CLASP1: variants seen among roughly 807,000 people sequenced by gnomAD.
The protein encoded by CLASP1 is cytoplasmic linker associated protein 1, also known as CLIP-associating protein 1.
In CLASP1, 38 loss-of-function variants were observed where a neutral mutation model predicts 192.3. The ratio of observed to expected loss-of-function variants is 0.20; its 90% CI spans 0.15 to 0.26. The LOEUF is 0.26. Ranked by LOEUF, CLASP1 falls within the 10% of genes least tolerant of loss-of-function variation. CLASP1 has a pLI of 1.00. For missense variants in CLASP1, 1,433 were observed against 1,932.5 expected (o/e 0.74, Z 4.85); for synonymous variants, 691 against 712.8 (o/e 0.97, Z 0.49).
chr2:121,530,904 C>G lies in CLASP1; in HGVS notation c.196-579G>C, dbSNP rs570265345. On this transcript the variant is annotated intron_variant, in intron 2 of 39. Transcript: ENST00000263710. ...TAACCATCCTTTTCTTGGGGTTGCG[C>G]TACTGTCCAATGAGCGCATAGTGAG... 4.4e-5 allele frequency: 31 copies of G among 697,466 alleles called. No homozygotes were observed. The highest frequency in any genetic ancestry group is 6.0e-5 in the Admixed American group (3 of 49,926). 43.2% of individuals were successfully genotyped at this position (697,466 alleles called of 1,614,324 possible).
intron 37 of CLASP1, among the ~76,000 whole-genome samples, chr2:121,355,814 G>C (rs1204345168): frequency 6.6e-6 from 1 of 152,114 alleles, no homozygotes; most frequent in African/African-American, 2.4e-5. Flanking sequence ...AAGGGGTGAG[G>C]GACTATTCAA....
intron 1 of CLASP1, among the ~76,000 whole-genome samples, chr2:121,630,821 T>C (rs1284002834): frequency 1.7e-4 from 25 of 147,226 alleles, no homozygotes; most frequent in Non-Finnish European, 6.0e-5. Flanking sequence ...GATCTAGCCA[T>C]TGCACTCCAG....
chr2:121,340,851 G>A, exon 40 of CLASP1: 2 of 1,606,418 alleles, frequency 1.2e-6, no homozygotes, highest in East Asian at 2.2e-5. Context: ...ACAAGAGACA[G>A]GTACTGCCAT....
At chr2:121,481,774 T>C (rs2092614606) in intron 8 of CLASP1, among the ~76,000 whole-genome samples, 1 of 152,164 alleles carries the variant, frequency 6.6e-6, no homozygotes, top group African/African-American at 2.4e-5. Flanking sequence ...TGAATACCAA[T>C]AGGTGACCAT....
At chr2:121,615,590 C>T (rs111803295) in intron 1 of CLASP1, among the ~76,000 whole-genome samples, 103 of 152,094 alleles carry the variant, frequency 6.8e-4, no homozygotes, top group African/African-American at 2.4e-3. Context: ...TCGAGACCAA[C>T]CTGGCCAACA....
chr2:121,461,649 A>C (rs2087981269), intron 10 of CLASP1, among the ~76,000 whole-genome samples: 1 of 152,316 alleles, frequency 6.6e-6, no homozygotes. Context: ...TGGGAAGGTC[A>C]GGTCAAGTAC....
At chr2:121,421,278 C>G (rs754847067) in intron 22 of CLASP1, among the ~76,000 whole-genome samples, 3 of 152,070 alleles carry the variant, frequency 2.0e-5, no homozygotes, top group African/African-American at 7.2e-5. Context: ...TTTTTTGAGA[C>G]GGAGTCTTGC....
At chr2:121,449,979 C>T (rs17006485) in intron 16 of CLASP1, among the ~76,000 whole-genome samples, 28,795 of 152,024 alleles carry the variant, frequency 0.19, 4,888 homozygotes, top group African/African-American at 0.45. Flanking sequence ...TATCAATGCA[C>T]TGCCCAAGAG....
rs72956532 is a variant in CLASP1, at chr2:121,627,017, A to C, written c.-285-20837T>G. 1.4e-3 allele frequency among the ~76,000 whole-genome samples: 210 copies of C among 145,364 alleles called. 1 individual carries two copies. The highest frequency in any genetic ancestry group is 5.5e-3 in the African/African-American group (197 of 35,910). Reference sequence around the variant, plus strand: ...AAGAACCATCACATGCATTCCCACAAGCAGCCTTAGGAGAGTAATTCAGCA... The same window carrying C: ...AAGAACCATCACATGCATTCCCACACGCAGCCTTAGGAGAGTAATTCAGCA... On this transcript the variant is annotated intron_variant, in intron 1 of 39. Coordinates refer to ENST00000263710, the Ensembl canonical transcript of CLASP1.
At position 121,470,293 on chromosome 2, in the gene CLASP1, C is replaced by CTTTTTTTTT. The variant is rs70954550; in HGVS notation, c.713-342_713-334dup. 5.7e-4 allele frequency: 176 copies of CTTTTTTTTT among 309,056 alleles called. 25 individuals carry two copies. The highest frequency in any genetic ancestry group is 2.6e-3 in the Middle Eastern group (2 of 762). The allele number at this position is 309,056 out of a possible 1,614,324, so 19.1% of individuals were successfully genotyped here. A position where few individuals can be genotyped will look rare whatever the true frequency, so the allele number is the denominator to read the frequency against. ...TCTGCAACATTTCTGACCATCCATGCTTTTTTTTTTTTTTTTTTTTTTTTT... is the reference window on the plus strand; with the variant it reads ...TCTGCAACATTTCTGACCATCCATGCTTTTTTTTTTTTTTTTTTTTTTTTTTTTTTTTTT... On this transcript the variant is annotated intron_variant, in intron 8 of 39. Coordinates refer to ENST00000263710, the Ensembl canonical transcript of CLASP1.
chr2:121,465,156 G>A (rs1335781225), intron 9 of CLASP1, among the ~76,000 whole-genome samples: 4 of 152,174 alleles, frequency 2.6e-5, no homozygotes, highest in Non-Finnish European at 5.9e-5. Context: ...CACAGTGTTA[G>A]AAGTTCTGGC....
intron 1 of CLASP1, among the ~76,000 whole-genome samples, chr2:121,644,611 C>T (rs551556369): frequency 3.3e-5 from 5 of 152,206 alleles, no homozygotes; most frequent in East Asian, 3.9e-4. Flanking sequence ...GCTGACATCA[C>T]GCCACTGCAC....
chr2:121,612,829 GAAC>G (rs2065834626), intron 1 of CLASP1, among the ~76,000 whole-genome samples: 1 of 152,176 alleles, frequency 6.6e-6, no homozygotes, highest in African/African-American at 2.4e-5. Flanking sequence ...GTGAGATTAT[GAAC>G]TACTGTTTAC....
intron 35 of CLASP1, 37 bp from the exon 37 acceptor site, chr2:121,365,321 G>A: frequency 6.4e-7 from 1 of 1,572,430 alleles, no homozygotes; most frequent in Middle Eastern, 2.0e-4. Flanking sequence ...ACCTCGTGAG[G>A]AAATGCCCAG....
chr2:121,377,924 G>T (rs1283562794), intron 33 of CLASP1, among the ~76,000 whole-genome samples: 1 of 152,130 alleles, frequency 6.6e-6, no homozygotes, highest in Admixed American at 6.5e-5. Flanking sequence ...CTCAAAGAGT[G>T]ACACTGGTGA....
chr2:121,369,156 G>A (rs1393091868), intron 34 of CLASP1, among the ~76,000 whole-genome samples: 1 of 152,196 alleles, frequency 6.6e-6, no homozygotes, highest in Admixed American at 6.5e-5. Context: ...TTTGGCTCTT[G>A]TGAATAATGC....
chr2:121,548,881 G>A (rs1474420973), intron 2 of CLASP1, among the ~76,000 whole-genome samples: 1 of 152,048 alleles, frequency 6.6e-6, no homozygotes, highest in Non-Finnish European at 1.5e-5. Flanking sequence ...GAAGGAGTTC[G>A]TTACCACCAG....
intron 35 of CLASP1, among the ~76,000 whole-genome samples, chr2:121,367,131 A>T (rs1453353471): frequency 1.3e-5 from 2 of 152,198 alleles, no homozygotes; most frequent in Non-Finnish European, 2.9e-5. Flanking sequence ...GTGTGAAAGG[A>T]GAGGGAAGCC....
At chr2:121,588,928 A>G (rs968578913) in intron 2 of CLASP1, among the ~76,000 whole-genome samples, 3 of 152,184 alleles carry the variant, frequency 2.0e-5, no homozygotes, top group Middle Eastern at 3.2e-3. Context: ...GCTACAATGC[A>G]TAGGCTGAGG....
Sources: gnomAD v4.1 joint callset for allele counts (sites outside exome capture counted in the v4.1 genomes callset) on GRCh38, gnomAD v4.1.1 for gene constraint, MANE v1.5 for transcripts, NCBI Gene and HGNC (gene_info 2026-07-23, HGNC 2026-07-21) for gene names.